The following EIF3H variants were observed in gnomAD, a reference collection of about 807,000 sequenced individuals.
The protein encoded by EIF3H is eukaryotic translation initiation factor 3 subunit H, also known as eIF-3-gamma.
A neutral mutation model predicts 44.2 loss-of-function variants in EIF3H; 26 were observed. That is an observed-to-expected ratio of 0.59 (90% CI 0.43 to 0.82). The LOEUF is 0.82. Ranked by LOEUF, EIF3H falls within the 40% of genes least tolerant of loss-of-function variation. The pLI is 0.00. For synonymous variants in EIF3H, 166 were observed against 151.9 expected, an observed-to-expected ratio of 1.09 and a Z score of -0.68; for missense variants, 359 against 432.8, an observed-to-expected ratio of 0.83 and a Z score of 1.51.
intron 2 of EIF3H, among the ~76,000 whole-genome samples, chr8:116,702,723 G>C (rs1191051388): frequency 1.3e-5 from 2 of 152,178 alleles, no homozygotes; most frequent in Non-Finnish European, 2.9e-5. Flanking sequence ...GGGGGAGGGT[G>C]CACAGAGAAC....
At chr8:116,764,420 A>C (rs962331194) in intron 1 of EIF3H, among the ~76,000 whole-genome samples, 33 of 152,214 alleles carry the variant, frequency 2.2e-4, no homozygotes, top group African/African-American at 2.4e-5. Flanking sequence ...TATTAAGTGG[A>C]CCAATTAATA....
intron 1 of EIF3H, among the ~76,000 whole-genome samples, chr8:116,743,837 CAT>C (rs1253823228): frequency 3.5e-4 from 41 of 115,590 alleles, no homozygotes; most frequent in East Asian, 2.6e-3. Flanking sequence ...CACACACACA[CAT>C]ATATAAATAA....
intron 2 of EIF3H, among the ~76,000 whole-genome samples, chr8:116,695,966 G>A (rs1814263546): frequency 6.6e-6 from 1 of 152,154 alleles, no homozygotes; most frequent in Non-Finnish European, 1.5e-5. Context: ...TAAACTCATG[G>A]TTTTCAATAT....
In EIF3H at chr8:116,657,234, T is replaced by C; in HGVS notation, c.538A>G (p.Lys180Glu). Residue 180 changes from lysine to glutamate, a missense_variant, in exon 4 of 8, where the codon AAG becomes GAG. By Grantham distance (56) the Lys-to-Glu change is moderately conservative. Around this residue, in one of 5 missense-constraint regions of EIF3H, gnomAD observed 85 missense variants for 79.2 expected, o/e 1.07. Coordinates refer to ENST00000521861, the MANE Select transcript of EIF3H (RefSeq NM_003756.3). ...ACTTACGCTTCAGGGGAAAAATCCT[T>C]TTCTTTACAAACTTCCATCAGTTTA... ...TPKLMEVCKE[K>E]DFSPEALKKA... is the part of the protein sequence containing the mutation. 1 of 1,613,632 alleles carries C rather than the reference T, an allele frequency of 6.2e-7. No homozygotes were observed. The highest frequency in any genetic ancestry group is 8.5e-7 in the Non-Finnish European group (1 of 1,179,646).
chr8:116,694,912 C>T (rs750033546), intron 2 of EIF3H, among the ~76,000 whole-genome samples: 8 of 151,968 alleles, frequency 5.3e-5, no homozygotes, highest in African/African-American at 7.3e-5. Context: ...AGCTGTATTC[C>T]AACATAGTAA....
At chr8:116,755,374 GTCTT>G in intron 1 of EIF3H, among the ~76,000 whole-genome samples, 2 of 152,222 alleles carry the variant, frequency 1.3e-5, no homozygotes, top group East Asian at 3.9e-4. Context: ...GTCTCCAGGA[GTCTT>G]TCTTCAAATC....
intron 1 of EIF3H, among the ~76,000 whole-genome samples, chr8:116,749,700 C>T (rs1215166863): frequency 6.6e-6 from 1 of 152,140 alleles, no homozygotes; most frequent in Non-Finnish European, 1.5e-5. Flanking sequence ...GACTCAGGCA[C>T]TACATTTCCA....
chr8:116,751,371 C>T (rs1051197181), intron 1 of EIF3H, among the ~76,000 whole-genome samples: 6 of 152,154 alleles, frequency 3.9e-5, no homozygotes, highest in Non-Finnish European at 7.4e-5. Context: ...ATTTATCCTA[C>T]TTTGTGAATT....
upstream of EIF3H, among the ~76,000 whole-genome samples, chr8:116,757,660 G>A (rs978421888): frequency 6.6e-6 from 1 of 150,850 alleles, no homozygotes. Context: ...TGAAAACAGA[G>A]AGAATGAATA....
At chr8:116,696,934 T>C in intron 2 of EIF3H, 3 of 338,058 alleles carry the variant, frequency 8.9e-6, no homozygotes, top group South Asian at 7.2e-5. Flanking sequence ...AACCAACAGT[T>C]AAGGCAGAAC....
chr8:116,713,365 T>C (rs942484471), intron 2 of EIF3H, among the ~76,000 whole-genome samples: 2 of 152,156 alleles, frequency 1.3e-5, no homozygotes, highest in Admixed American at 1.3e-4. Context: ...CTTTAATTTC[T>C]TTAAGCAGAA....
chr8:116,651,930 A>C (rs1485511890), intron 5 of EIF3H, among the ~76,000 whole-genome samples: 1 of 152,218 alleles, frequency 6.6e-6, no homozygotes, highest in Admixed American at 6.5e-5. Context: ...GCATTTAGCA[A>C]GATCATTACA....
intron 1 of EIF3H, among the ~76,000 whole-genome samples, chr8:116,729,600 C>A (rs1814918108): frequency 6.6e-6 from 1 of 152,118 alleles, no homozygotes; most frequent in Non-Finnish European, 1.5e-5. Context: ...CAGTTCTTTA[C>A]AATGACCCAA....
At chr8:116,645,557 C>T (rs769743650) in intron 7 of EIF3H, among the ~76,000 whole-genome samples, 7 of 152,174 alleles carry the variant, frequency 4.6e-5, no homozygotes, top group South Asian at 2.1e-4. Context: ...TTTTCTCCTA[C>T]GAGCCAGACA....
chr8:116,662,040 T>C (rs1428202724), intron 2 of EIF3H, among the ~76,000 whole-genome samples: 1 of 152,174 alleles, frequency 6.6e-6, no homozygotes, highest in African/African-American at 2.4e-5. Flanking sequence ...TTTTGCAAGA[T>C]TTTGGACACA....
chr8:116,665,204 T>G, intron 2 of EIF3H, among the ~76,000 whole-genome samples: 1 of 152,224 alleles, frequency 6.6e-6, no homozygotes, highest in East Asian at 1.9e-4. Flanking sequence ...AACAAATTTC[T>G]AGGTTTCCAG....
intron 1 of EIF3H, among the ~76,000 whole-genome samples, chr8:116,747,314 C>A (rs993646270): frequency 6.6e-6 from 1 of 152,176 alleles, no homozygotes; most frequent in Admixed American, 6.5e-5. Context: ...GATCCGCCCA[C>A]CTCAGCCTGC....
At chr8:116,657,042 A>G (rs1230484649) in intron 4 of EIF3H, among the ~76,000 whole-genome samples, 173 bp downstream of exon 4, 1 of 152,174 alleles carries the variant, frequency 6.6e-6, no homozygotes, top group Admixed American at 6.6e-5. Context: ...TCCCTAAAGA[A>G]TAATTTAAAC....
At chr8:116,724,733 GA>G (rs1814805353) in intron 2 of EIF3H, among the ~76,000 whole-genome samples, 1 of 152,130 alleles carries the variant, frequency 6.6e-6, no homozygotes, top group African/African-American at 2.4e-5. Context: ...AAACCACAAT[GA>G]GATGATCACC....
Sources: gnomAD v4.1 joint callset for allele counts (sites outside exome capture counted in the v4.1 genomes callset) on GRCh38, gnomAD v4.1.1 for gene constraint, gnomAD v4.1.1 regional missense constraint, MANE v1.5 for transcripts, NCBI Gene and HGNC (gene_info 2026-07-23, HGNC 2026-07-21) for gene names.